The following PXK variants were observed in gnomAD, a reference collection of about 807,000 sequenced individuals.
PXK encodes the protein PX domain containing serine/threonine kinase like.
Under a neutral mutation model 84.7 loss-of-function variants are expected in PXK, and 35 were observed. The ratio of observed to expected loss-of-function variants is 0.41; its 90% confidence interval spans 0.32 to 0.55. The LOEUF (loss-of-function observed/expected upper bound fraction) is 0.55. Ranked by LOEUF, PXK falls within the 20% of genes least tolerant of loss-of-function variation. PXK has a pLI of 0.21. For synonymous variants in PXK, 253 were observed against 260.8 expected, an observed-to-expected ratio of 0.97 and a Z score of 0.29; for missense variants, 634 against 699.7, an observed-to-expected ratio of 0.91 and a Z score of 1.06.
chr3:58,377,621 GAAAA>G lies in PXK; in HGVS notation c.202-4892_202-4889del, dbSNP rs1405732716. 3.2e-4 allele frequency among the ~76,000 whole-genome samples: 24 copies of G among 75,862 alleles called. No homozygotes were observed. In the East Asian group the frequency reaches 4.6e-3, roughly 15 times the overall value. The allele number at this position is 75,862 out of a possible 152,430, so 49.8% of individuals were successfully genotyped here. A position where few individuals can be genotyped will look rare whatever the true frequency, so the allele number is the denominator to read the frequency against. ...ATCTCTTTCTAAAAAAAAAAAAAAA[GAAAA>G]GAAAGAAAAGACTAAAAGTTTTAAA... On this transcript the variant is annotated intron_variant, in intron 3 of 17. Transcript: ENST00000356151.
intron 7 of PXK, among the ~76,000 whole-genome samples, chr3:58,392,450 A>C (rs1179128630): frequency 6.6e-6 from 1 of 152,202 alleles, no homozygotes; most frequent in Non-Finnish European, 1.5e-5. Flanking sequence ...GTCTGCATGA[A>C]GATGTAGTTC....
At chr3:58,408,308 G>A (rs905604306) in intron 13 of PXK, among the ~76,000 whole-genome samples, 1 of 152,190 alleles carries the variant, frequency 6.6e-6, no homozygotes, top group Non-Finnish European at 1.5e-5. Context: ...CAGGAAATGT[G>A]AGGCCTTCAA....
At chr3:58,336,964 C>G (rs1482052138) in intron 1 of PXK, among the ~76,000 whole-genome samples, 1 of 152,160 alleles carries the variant, frequency 6.6e-6, no homozygotes, top group African/African-American at 2.4e-5. Flanking sequence ...TATGCACCAC[C>G]ATGCCTGGCT....
intron 17 of PXK, chr3:58,422,810 T>A (rs1159572855): frequency 2.0e-6 from 2 of 985,328 alleles, no homozygotes; most frequent in Non-Finnish European, 2.4e-6. Flanking sequence ...AGTCTCTAGA[T>A]GGCCAGTGCT....
chr3:58,423,225 C>G, intron 17 of PXK: 1 of 983,024 alleles, frequency 1.0e-6, no homozygotes, highest in Non-Finnish European at 1.2e-6. Flanking sequence ...TCAACAGTTA[C>G]TTCAGGTTTA....
At chr3:58,341,400 A>C (rs1370112224) in intron 1 of PXK, among the ~76,000 whole-genome samples, 1 of 152,088 alleles carries the variant, frequency 6.6e-6, no homozygotes, top group Non-Finnish European at 1.5e-5. Context: ...TGTCGCTACT[A>C]AAAGTACAAA....
At chr3:58,336,445 A>G (rs2097612894) in intron 1 of PXK, among the ~76,000 whole-genome samples, 1 of 152,162 alleles carries the variant, frequency 6.6e-6, no homozygotes, top group Non-Finnish European at 1.5e-5. Flanking sequence ...TAAGAGCTAG[A>G]CCAGCCCTCT....
At chr3:58,360,012 G>C (rs753256547) in intron 1 of PXK, among the ~76,000 whole-genome samples, 3 of 152,034 alleles carry the variant, frequency 2.0e-5, no homozygotes, top group Non-Finnish European at 2.9e-5. Flanking sequence ...GCTGGAGTTG[G>C]TGGAGCGCAC....
rs977916574 is a variant in PXK at position 58,407,822 on chromosome 3, A to G, written c.1231-1102A>G. On this transcript the variant is annotated intron_variant, in intron 13 of 17. Coordinates refer to ENST00000356151, the MANE Select transcript of PXK (RefSeq NM_017771.5). This position sits in a 1 kb window ranked among gnomAD's most constrained non-coding sequence, Gnocchi z 4.3. The stretch of plus-strand genomic sequence containing the variant: ...TCCACCCACCTCAGCCTCCCAAAGT[A>G]TTGGGATTACAGGCGTGAGCCACCT... 5.3e-5 allele frequency among the ~76,000 whole-genome samples: 8 copies of G among 152,294 alleles called. No homozygotes were observed. Among genetic ancestry groups the G allele is most frequent in the African/African-American group, 1.7e-4 (7 of 41,568 alleles).
chr3:58,340,510 T>C (rs1398093692), intron 1 of PXK, among the ~76,000 whole-genome samples: 1 of 151,520 alleles, frequency 6.6e-6, no homozygotes. Context: ...ATGGATCACC[T>C]GAGGTCAGGA....
At chr3:58,419,496 G>A (rs539172548) in intron 17 of PXK, among the ~76,000 whole-genome samples, 8 of 152,308 alleles carry the variant, frequency 5.3e-5, no homozygotes, top group East Asian at 1.9e-4. Flanking sequence ...CAGGTGATCC[G>A]CCCGCCTTGG....
At position 58,397,580 on chromosome 3, in the gene PXK, C is replaced by T; in HGVS notation, c.985-25C>T. Reference sequence around the variant, plus strand: ...CCACAAAGCCAAAGTGAAGGGTGAACACGCTGCTACTCTTTCTTCCACAGA... The same window carrying T: ...CCACAAAGCCAAAGTGAAGGGTGAATACGCTGCTACTCTTTCTTCCACAGA... On this transcript the variant is annotated intron_variant, in intron 10 of 17. Coordinates refer to ENST00000356151, the MANE Select transcript of PXK (RefSeq NM_017771.5). This position sits in a 1 kb window ranked among gnomAD's most constrained non-coding sequence, Gnocchi z 4.7. 1.9e-6 allele frequency: 3 copies of T among 1,582,442 alleles called. No individual in the cohort carries two copies. Among genetic ancestry groups the T allele is most frequent in the Non-Finnish European group, 2.6e-6 (3 of 1,151,208 alleles).
chr3:58,355,646 C>T (rs1056478097), intron 1 of PXK, among the ~76,000 whole-genome samples: 2 of 152,152 alleles, frequency 1.3e-5, no homozygotes, highest in Non-Finnish European at 2.9e-5. Context: ...AAACAAATTG[C>T]AAATGGGGAT....
chr3:58,368,632 G>C (rs1576128304), intron 2 of PXK, among the ~76,000 whole-genome samples: 1 of 152,066 alleles, frequency 6.6e-6, no homozygotes, highest in East Asian at 1.9e-4. Context: ...CATTTCTGAG[G>C]CCTTCTAATC....
chr3:58,398,306 C>T lies in PXK; in HGVS notation c.1102+584C>T, dbSNP rs866880252. Among the ~76,000 whole-genome samples the T allele has an allele frequency of 1.3e-5, 2 of 152,280 alleles. No individual in the cohort carries two copies. Among genetic ancestry groups the T allele is most frequent in the Middle Eastern group, 3.4e-3 (1 of 294 alleles). ...ATCCCAGCTTTTTGGGAGGCTGAGG[C>T]ACGAGAATTGCTTGAACCCGCCTCT... is the stretch of plus-strand genomic sequence containing the variant. On this transcript the variant is annotated intron_variant, in intron 11 of 17. Transcript: ENST00000356151. The surrounding 1 kb of genome is among the most constrained non-coding windows in gnomAD (Gnocchi z 4.5).
Position 58,390,471 on chromosome 3 carries a change from T to C in PXK, c.389-111T>C. The C allele has an allele frequency of 1.6e-6, 1 of 616,052 alleles. No homozygotes were observed. The highest frequency in any genetic ancestry group is 2.5e-6 in the Non-Finnish European group (1 of 404,784). 38.2% of individuals were successfully genotyped at this position (616,052 alleles called of 1,614,324 possible). ...TATTATTTTTTTTTTGGTAATTAAG[T>C]TTTTTAAAAAGGTCATAGACTATAG... On this transcript the variant is annotated intron_variant, in intron 4 of 17. Transcript: ENST00000356151. The surrounding 1 kb of genome is among the most constrained non-coding windows in gnomAD (Gnocchi z 4.2).
At chr3:58,396,623 C>G (rs2057718910) in intron 9 of PXK, among the ~76,000 whole-genome samples, 1 of 152,186 alleles carries the variant, frequency 6.6e-6, no homozygotes, top group African/African-American at 2.4e-5. Context: ...GAGATGTTTT[C>G]TAGTTCAACC....
Position 58,382,663 on chromosome 3 carries a change from GT to G in PXK, c.356del (p.Leu119Ter). On this transcript the variant is annotated frameshift_variant, in exon 4 of 18. Transcript: ENST00000356151. LOFTEE classifies it high-confidence loss of function. ...TGTCTAATTGTGAGCTGGTTAAGAA[GT>G]TTTTAGATCCAAACAACTATTCCGC... The part of the protein sequence containing the change: ...ILSNCELVKK[F>X]LDPNNYSANY... 1 of 1,585,110 alleles carries G rather than the reference GT, an allele frequency of 6.3e-7. No homozygotes were observed. Among genetic ancestry groups the G allele is most frequent in the Admixed American group, 1.9e-5 (1 of 51,704 alleles).
At chr3:58,368,956 G>C (rs1388877779) in intron 2 of PXK, among the ~76,000 whole-genome samples, 4 of 152,226 alleles carry the variant, frequency 2.6e-5, no homozygotes, top group African/African-American at 9.6e-5. Context: ...ATGTGTGGCA[G>C]CTCTGCCTGC....
Sources: allele counts gnomAD v4.1 joint callset (sites outside exome capture counted in the v4.1 genomes callset), GRCh38; gene constraint gnomAD v4.1.1; non-coding constraint Gnocchi (gnomAD v3.1); transcripts MANE v1.5; gene names NCBI Gene and HGNC (gene_info 2026-07-23, HGNC 2026-07-21).